RANBP9: variants seen among roughly 807,000 people sequenced by gnomAD.
RANBP9 encodes the protein ran-binding protein 9.
In RANBP9, 15 loss-of-function variants were observed where a neutral mutation model predicts 84.3. The observed-to-expected ratio is 0.18, with a 90% CI of 0.12 to 0.27. The LOEUF (loss-of-function observed/expected upper bound fraction) is 0.27. Among genes scored for constraint, RANBP9 ranks in the 10% least tolerant of loss-of-function variants. The pLI is 1.00. For missense variants in RANBP9, 809 were observed against 912.8 expected (o/e 0.89, Z 1.46); for synonymous variants, 392 against 349.6 (o/e 1.12, Z -1.35).
chr6:13,701,251 C>T (rs370722240), intron 1 of RANBP9, among the ~76,000 whole-genome samples: 14 of 152,168 alleles, frequency 9.2e-5, no homozygotes, highest in South Asian at 6.2e-4. Context: ...TACTCCCACA[C>T]TGGACAGTTG....
chr6:13,700,640 C>T (rs183856185), intron 1 of RANBP9, among the ~76,000 whole-genome samples: 8 of 152,310 alleles, frequency 5.3e-5, no homozygotes, highest in East Asian at 3.9e-4. Context: ...TTAACACTCA[C>T]GTTTAATTAT....
rs1432283642 is a variant in RANBP9 at position 13,682,710 on chromosome 6, C to T, written c.683+14075G>A. Reference sequence around the variant, plus strand: ...CAGGTGACCCACCTACCTCTGCCTCCCAAATTACTGATATTTTAATTTGGC... The same window carrying T: ...CAGGTGACCCACCTACCTCTGCCTCTCAAATTACTGATATTTTAATTTGGC... On this transcript the variant is annotated intron_variant, in intron 2 of 13. Transcript: ENST00000011619. 3.9e-5 allele frequency among the ~76,000 whole-genome samples: 6 copies of T among 152,104 alleles called. No individual in the cohort carries two copies. In the East Asian group the frequency reaches 1.2e-3, roughly 29 times the overall value.
chr6:13,710,890 G>C (rs370188749), intron 1 of RANBP9, 45 bp downstream of exon 1: 1 of 1,540,730 alleles, frequency 6.5e-7, no homozygotes, highest in Non-Finnish European at 8.8e-7. Flanking sequence ...GGCCGGCCAC[G>C]TCGGGTCAGT....
intron 2 of RANBP9, among the ~76,000 whole-genome samples, chr6:13,685,251 A>G (rs1158033021): frequency 6.6e-6 from 1 of 152,222 alleles, no homozygotes; most frequent in African/African-American, 2.4e-5. Context: ...AACTGGCAAC[A>G]GGAGAACAGC....
chr6:13,622,518 G>A, intron 13 of RANBP9, 26 bp from the exon 14 acceptor site: 1 of 1,535,364 alleles, frequency 6.5e-7, no homozygotes. Flanking sequence ...TTAAAAATGA[G>A]AACAGCAATT....
chr6:13,647,391 GA>G lies in RANBP9; in HGVS notation c.928-2663del, dbSNP rs1374337514. Among the ~76,000 whole-genome samples, 3 of 151,924 alleles carry G rather than the reference GA, an allele frequency of 2.0e-5. No homozygotes were observed. In the East Asian group the frequency reaches 5.8e-4, roughly 29 times the overall value. Reference sequence around the variant, plus strand: ...TCTCATTTCAGAAATACTAAAATATGAAAAAAATGTACATTTTATAATTGAT... The same window carrying G: ...TCTCATTTCAGAAATACTAAAATATGAAAAAATGTACATTTTATAATTGAT... On this transcript the variant is annotated intron_variant, in intron 5 of 13. Transcript: ENST00000011619.
chr6:13,622,614 A>G (rs1014000485), intron 13 of RANBP9, 122 bp from the exon 14 acceptor site: 5 of 1,069,140 alleles, frequency 4.7e-6, no homozygotes, highest in Non-Finnish European at 6.3e-6. Flanking sequence ...CTGAAATATC[A>G]GCAAATGAAG....
rs558859335 is a variant in RANBP9, at chr6:13,702,775, C to G, written c.572-5879G>C. ...CATCCTCCTCTAGGAAATGCCTCAT[C>G]TCTTCCTTCATCTATATTTCTCAAG... is the stretch of plus-strand genomic sequence containing the variant. On this transcript the variant is annotated intron_variant, in intron 1 of 13. Coordinates refer to ENST00000011619, the MANE Select transcript of RANBP9 (RefSeq NM_005493.3). Among the ~76,000 whole-genome samples the G allele has an allele frequency of 2.0e-5, 3 of 151,894 alleles. No homozygotes were observed. In the South Asian group the frequency reaches 6.2e-4, roughly 32 times the overall value.
chr6:13,624,683 C>G (rs75526845), intron 13 of RANBP9, among the ~76,000 whole-genome samples: 2 of 152,198 alleles, frequency 1.3e-5, no homozygotes, highest in Admixed American at 1.3e-4. Context: ...CTACAGTGAG[C>G]TGCTCATAGG....
intron 2 of RANBP9, among the ~76,000 whole-genome samples, chr6:13,684,295 C>T (rs1267353592): frequency 6.6e-6 from 1 of 152,148 alleles, no homozygotes; most frequent in Non-Finnish European, 1.5e-5. Flanking sequence ...GCAGCAAATC[C>T]ACCTCAGAAA....
At chr6:13,657,856 C>T (rs764602102) in intron 3 of RANBP9, among the ~76,000 whole-genome samples, 4 of 152,046 alleles carry the variant, frequency 2.6e-5, no homozygotes, top group Admixed American at 6.5e-5. Flanking sequence ...CAAAAGGGTA[C>T]AAAACAAAGC....
At chr6:13,689,141 A>G (rs1394685595) in intron 2 of RANBP9, among the ~76,000 whole-genome samples, 2 of 152,090 alleles carry the variant, frequency 1.3e-5, no homozygotes, top group Admixed American at 6.6e-5. Context: ...TGGGTGACAG[A>G]GCAAGACTCT....
At position 13,660,701 on chromosome 6, in the gene RANBP9, C is replaced by T. The variant is rs1765521779; in HGVS notation, c.684-1869G>A. Reference sequence around the variant, plus strand: ...TTTAAAAAAGAAAACTCAGAGTTTTCCCTACTAGAAATTAAAACTCAGATT... The same window carrying T: ...TTTAAAAAAGAAAACTCAGAGTTTTTCCTACTAGAAATTAAAACTCAGATT... On this transcript the variant is annotated intron_variant, in intron 2 of 13. Coordinates refer to ENST00000011619, the MANE Select transcript of RANBP9 (RefSeq NM_005493.3). 2.6e-5 allele frequency among the ~76,000 whole-genome samples: 4 copies of T among 152,004 alleles called. No homozygotes were observed. In the South Asian group the frequency reaches 8.3e-4, roughly 31 times the overall value.
intron 12 of RANBP9, 117 bp downstream of exon 12, chr6:13,632,253 G>C: frequency 2.3e-6 from 2 of 870,982 alleles, no homozygotes; most frequent in Admixed American, 3.3e-5. Context: ...GGAGCCAGGG[G>C]GAAGGTCAGG....
At chr6:13,653,185 G>A (rs1325603102) in intron 4 of RANBP9, among the ~76,000 whole-genome samples, 2 of 152,096 alleles carry the variant, frequency 1.3e-5, no homozygotes, top group Admixed American at 6.5e-5. Flanking sequence ...TGTTTCTTAT[G>A]AAAGTAAATT....
rs372984751 is a variant in RANBP9 at position 13,650,792 on chromosome 6, G to A, written c.927+1867C>T. On this transcript the variant is annotated intron_variant, in intron 5 of 13. Coordinates refer to ENST00000011619, the MANE Select transcript of RANBP9 (RefSeq NM_005493.3). ...AGCCTCGGCAACCTGGCGAAACCCC[G>A]TCTCTACCAAAAATACAAAAAATCA... 3.3e-5 allele frequency among the ~76,000 whole-genome samples: 5 copies of A among 152,096 alleles called. No homozygotes were observed. In the East Asian group the frequency reaches 5.8e-4, roughly 18 times the overall value.
chr6:13,680,582 A>T (rs2113327462), intron 2 of RANBP9, among the ~76,000 whole-genome samples: 1 of 152,020 alleles, frequency 6.6e-6, no homozygotes, highest in African/African-American at 2.4e-5. Context: ...CCCAACAAAA[A>T]TAAAAATAAA....
At chr6:13,631,705 T>C (rs769782177) in intron 12 of RANBP9, among the ~76,000 whole-genome samples, 15 of 152,210 alleles carry the variant, frequency 9.9e-5, no homozygotes, top group Admixed American at 4.6e-4. Flanking sequence ...AACCAACTGT[T>C]AAAGAGCTGT....
intron 12 of RANBP9, among the ~76,000 whole-genome samples, 183 bp from the exon 13 acceptor site, chr6:13,625,947 CTAATT>C (rs1345899769): frequency 6.6e-6 from 1 of 152,088 alleles, no homozygotes; most frequent in Non-Finnish European, 1.5e-5. Context: ...GCAGCAAAGC[CTAATT>C]TATTTTCATT....
Sources: gnomAD v4.1 joint callset for allele counts (sites outside exome capture counted in the v4.1 genomes callset) on GRCh38, gnomAD v4.1.1 for gene constraint, MANE v1.5 for transcripts, NCBI Gene and HGNC (gene_info 2026-07-23, HGNC 2026-07-21) for gene names.